The following TRAPPC9 variants were observed in gnomAD, a reference collection of about 807,000 sequenced individuals.
TRAPPC9 encodes the protein IKK2 binding protein.
Under a neutral mutation model 124.0 loss-of-function variants are expected in TRAPPC9, and 83 were observed. That is an observed-to-expected ratio of 0.67 (90% CI 0.56 to 0.80). The LOEUF is 0.80. TRAPPC9 is among the 30% of genes least tolerant of loss of function. The pLI is 0.00. For missense variants in TRAPPC9, 1,302 were observed against 1,508.3 expected, an observed-to-expected ratio of 0.86 and a Z score of 2.27; for synonymous variants, 638 against 617.5, an observed-to-expected ratio of 1.03 and a Z score of -0.49.
At chr8:140,431,149 T>A (rs1483453312) in intron 4 of TRAPPC9, among the ~76,000 whole-genome samples, 1 of 152,046 alleles carries the variant, frequency 6.6e-6, no homozygotes, top group African/African-American at 2.4e-5. Flanking sequence ...AGCTAAATTA[T>A]GGGTATAAGA....
At chr8:139,784,635 A>C (rs1189720494) in intron 21 of TRAPPC9, among the ~76,000 whole-genome samples, 2 of 143,778 alleles carry the variant, frequency 1.4e-5, no homozygotes, top group Non-Finnish European at 3.0e-5. Context: ...ATATATATAT[A>C]TATATATATA....
rs544461001 is a variant in TRAPPC9, at chr8:139,988,243, G to A, written c.2810+483C>T. Among the ~76,000 whole-genome samples the A allele has an allele frequency of 2.0e-5, 3 of 151,818 alleles. No individual in the cohort carries two copies. In the South Asian group the frequency reaches 6.3e-4, roughly 32 times the overall value. The stretch of plus-strand genomic sequence containing the variant: ...TTCTCCTGCCTCAGCCTCCCGAGTA[G>A]CTGGGATAACAGGCATGCACCACCA... On this transcript the variant is annotated intron_variant, in intron 19 of 22. Transcript: ENST00000438773.
chr8:140,421,388 GT>G (rs1391331713), intron 5 of TRAPPC9, among the ~76,000 whole-genome samples: 3 of 152,102 alleles, frequency 2.0e-5, no homozygotes, highest in Admixed American at 6.6e-5. Flanking sequence ...GTCAAATCTA[GT>G]TAACGAATTT....
At chr8:139,848,140 C>A (rs1004939398) in intron 21 of TRAPPC9, among the ~76,000 whole-genome samples, 1 of 152,210 alleles carries the variant, frequency 6.6e-6, no homozygotes, top group Non-Finnish European at 1.5e-5. Context: ...GAGGGACAGG[C>A]AGATGACAGC....
In TRAPPC9 at chr8:140,150,814, T is replaced by C. The variant is rs550929827; in HGVS notation, c.2556+70645A>G. Among the ~76,000 whole-genome samples the C allele has an allele frequency of 2.9e-3, 331 of 113,548 alleles. 3 individuals are homozygous for C. The highest frequency in any genetic ancestry group is 8.2e-4 in the Non-Finnish European group (44 of 53,432). 74.5% of individuals were successfully genotyped at this position (113,548 alleles called of 152,430 possible). On this transcript the variant is annotated intron_variant, in intron 17 of 22. Transcript: ENST00000438773. ...AAGACCCTCAACGCAGCCTCCAGGCTCGGCCACCCCTCTGTCACCGTGTCT... is the reference window on the plus strand; with the variant it reads ...AAGACCCTCAACGCAGCCTCCAGGCCCGGCCACCCCTCTGTCACCGTGTCT...
At chr8:140,290,866 C>T (rs770667517) in intron 12 of TRAPPC9, 127 bp downstream of exon 12, 9 of 789,058 alleles carry the variant, frequency 1.1e-5, no homozygotes, top group African/African-American at 3.4e-5. Flanking sequence ...AGCTTATATG[C>T]TTTGGCAAAA....
intron 17 of TRAPPC9, among the ~76,000 whole-genome samples, chr8:140,121,050 T>C (rs1456347801): frequency 6.6e-6 from 1 of 152,196 alleles, no homozygotes; most frequent in African/African-American, 2.4e-5. Flanking sequence ...TTTTTAAGGG[T>C]CAAGGAACAA....
In TRAPPC9 at chr8:140,201,329, T is replaced by C. The variant is rs2131168854; in HGVS notation, c.2556+20130A>G. Among the ~76,000 whole-genome samples the C allele has an allele frequency of 1.3e-5, 2 of 152,380 alleles. 1 individual carries two copies. Among genetic ancestry groups the C allele is most frequent in the African/African-American group, 4.8e-5 (2 of 41,586 alleles). On this transcript the variant is annotated intron_variant, in intron 17 of 22. Coordinates refer to ENST00000438773, the MANE Select transcript of TRAPPC9 (RefSeq NM_001160372.4). The stretch of plus-strand genomic sequence containing the variant: ...GAATTAATTACAGTTGTTTATGTAG[T>C]TTCTTGAGAGAAGGTCTCCCGTCCT...
intron 17 of TRAPPC9, among the ~76,000 whole-genome samples, chr8:140,055,686 T>C (rs1842252216): frequency 6.6e-6 from 1 of 152,164 alleles, no homozygotes; most frequent in Non-Finnish European, 1.5e-5. Context: ...ATACAAACAT[T>C]AGTTACACTT....
chr8:139,894,709 G>A (rs569405993), intron 20 of TRAPPC9, among the ~76,000 whole-genome samples: 3 of 152,372 alleles, frequency 2.0e-5, no homozygotes, highest in African/African-American at 7.2e-5. Flanking sequence ...CAAAGGCAGA[G>A]GAGAGTGGAA....
chr8:139,762,459 C>T (rs377388351), intron 21 of TRAPPC9, among the ~76,000 whole-genome samples: 29 of 152,304 alleles, frequency 1.9e-4, no homozygotes, highest in East Asian at 1.5e-3. Context: ...AGCCTCTACA[C>T]ACCGAGGCCG....
intron 16 of TRAPPC9, among the ~76,000 whole-genome samples, chr8:140,225,926 TTG>T (rs1477158994): frequency 6.6e-6 from 1 of 152,224 alleles, no homozygotes; most frequent in African/African-American, 2.4e-5. Flanking sequence ...CAGATTCTTT[TTG>T]TTTGTTTGTT....
At chr8:140,222,084 T>C (rs2063349299) in intron 16 of TRAPPC9, among the ~76,000 whole-genome samples, 1 of 152,150 alleles carries the variant, frequency 6.6e-6, no homozygotes, top group African/African-American at 2.4e-5. Context: ...CAGCCTTCCC[T>C]CTGCGTTTGG....
rs1370754535 is a variant in TRAPPC9, at chr8:139,961,038, A to C, written c.2810+27688T>G. Among the ~76,000 whole-genome samples the C allele has an allele frequency of 1.6e-5, 2 of 125,164 alleles. 1 individual carries two copies. Among genetic ancestry groups the C allele is most frequent in the African/African-American group, 5.1e-5 (2 of 39,446 alleles). The allele number at this position is 125,164 out of a possible 152,430, so 82.1% of individuals were successfully genotyped here. On this transcript the variant is annotated intron_variant, in intron 19 of 22. Coordinates refer to ENST00000438773, the MANE Select transcript of TRAPPC9 (RefSeq NM_001160372.4). ...TTGTAACCCCTTCAGAGCTAGAGACAGGAAGAAAAAAACAAACAAGGCAGA... is the reference window on the plus strand; with the variant it reads ...TTGTAACCCCTTCAGAGCTAGAGACCGGAAGAAAAAAACAAACAAGGCAGA...
At chr8:139,923,385 C>A (rs1264069550) in intron 19 of TRAPPC9, among the ~76,000 whole-genome samples, 1 of 152,204 alleles carries the variant, frequency 6.6e-6, no homozygotes, top group Non-Finnish European at 1.5e-5. Flanking sequence ...TGGGTTTCTT[C>A]CGGCGCCCCA....
chr8:139,855,619 C>T (rs534823894), intron 21 of TRAPPC9, among the ~76,000 whole-genome samples: 1 of 152,370 alleles, frequency 6.6e-6, no homozygotes, highest in East Asian at 1.9e-4. Context: ...CCTGTTTACG[C>T]TCTTCAGGGG....
chr8:139,848,768 T>C (rs185315524), intron 21 of TRAPPC9, among the ~76,000 whole-genome samples: 2 of 152,286 alleles, frequency 1.3e-5, no homozygotes, highest in East Asian at 1.9e-4. Flanking sequence ...CAAGCCCTTG[T>C]TGTCTTTCTC....
At chr8:140,253,018 C>A in intron 15 of TRAPPC9, 89 bp from the exon 16 acceptor site, 1 of 1,317,784 alleles carries the variant, frequency 7.6e-7, no homozygotes, top group South Asian at 1.2e-5. Context: ...GATGCATTCT[C>A]AAAAGCCAAG....
intron 17 of TRAPPC9, among the ~76,000 whole-genome samples, chr8:140,148,671 T>C (rs910910396): frequency 1.3e-5 from 2 of 152,216 alleles, no homozygotes; most frequent in Non-Finnish European, 2.9e-5. Flanking sequence ...AAAGCTTTCC[T>C]TTCCGGTATG....
Sources: allele counts gnomAD v4.1 joint callset (sites outside exome capture counted in the v4.1 genomes callset), GRCh38; gene constraint gnomAD v4.1.1; transcripts MANE v1.5; gene names NCBI Gene and HGNC (gene_info 2026-07-23, HGNC 2026-07-21).